Variants in WWOX observed in about 807,000 individuals in gnomAD.
WWOX encodes WW domain containing oxidoreductase, also known as WW domain-containing oxidoreductase.
A neutral mutation model predicts 46.2 loss-of-function variants in WWOX; 69 were observed. The observed-to-expected ratio is 1.49, with a 90% CI of 1.23 to 1.82. The LOEUF (loss-of-function observed/expected upper bound fraction) is 1.82. WWOX is among the 40% of genes most tolerant of loss of function. The pLI, the probability that WWOX is intolerant of heterozygous loss-of-function variation, is 0.00. For synonymous variants in WWOX, 359 were observed against 202.6 expected (o/e 1.77, Z -6.56); for missense variants, 919 against 542.6 (o/e 1.69, Z -6.89).
At chr16:78,479,717 C>T (rs892769225) in intron 8 of WWOX, among the ~76,000 whole-genome samples, 2 of 152,124 alleles carry the variant, frequency 1.3e-5, no homozygotes, top group Admixed American at 6.6e-5. Flanking sequence ...AGGGCCAGGA[C>T]ACGAAATATA....
chr16:78,776,269 C>T (rs1024773166), intron 8 of WWOX, among the ~76,000 whole-genome samples: 18 of 152,062 alleles, frequency 1.2e-4, no homozygotes, highest in Admixed American at 6.5e-4. Context: ...TGGCTTGGCT[C>T]GGTGGTTGGG....
At chr16:78,100,112 C>A in intron 1 of WWOX, 1 of 1,374,696 alleles carries the variant, frequency 7.3e-7, no homozygotes, top group Non-Finnish European at 9.4e-7. Context: ...GGCGCGCCCT[C>A]TGCTGTTCAG....
chr16:78,326,660 A>G (rs1190657542), intron 5 of WWOX, among the ~76,000 whole-genome samples: 3 of 146,470 alleles, frequency 2.0e-5, no homozygotes, highest in East Asian at 2.0e-4. Flanking sequence ...TCTGGCATAC[A>G]GCATATGTTT....
intron 5 of WWOX, among the ~76,000 whole-genome samples, chr16:78,358,237 C>T (rs1301714535): frequency 1.3e-5 from 2 of 152,156 alleles, no homozygotes; most frequent in Non-Finnish European, 2.9e-5. Context: ...AGAAAAAGTG[C>T]TGTCATCAGT....
At chr16:79,122,796 C>G (rs951669560) in intron 8 of WWOX, among the ~76,000 whole-genome samples, 1 of 152,152 alleles carries the variant, frequency 6.6e-6, no homozygotes, top group Admixed American at 6.5e-5. Context: ...ATACCTTGCC[C>G]ATTTTTGCCT....
intron 5 of WWOX, among the ~76,000 whole-genome samples, chr16:78,215,500 T>A (rs1452182677): frequency 6.6e-6 from 1 of 152,214 alleles, no homozygotes; most frequent in African/African-American, 2.4e-5. Flanking sequence ...AGAAGGTGCT[T>A]GCTTCTGCTT....
At chr16:78,803,290 T>C (rs1392418341) in intron 8 of WWOX, among the ~76,000 whole-genome samples, 1 of 152,062 alleles carries the variant, frequency 6.6e-6, no homozygotes, top group Non-Finnish European at 1.5e-5. Flanking sequence ...TGTGTGTTAT[T>C]GTAGTGGCTT....
At chr16:78,477,813 G>A (rs974155990) in intron 8 of WWOX, among the ~76,000 whole-genome samples, 10 of 152,052 alleles carry the variant, frequency 6.6e-5, no homozygotes, top group African/African-American at 2.4e-4. Flanking sequence ...CACATTAAAT[G>A]GTGGGTTTCA....
At chr16:78,588,990 T>A (rs11862167) in intron 8 of WWOX, among the ~76,000 whole-genome samples, 2 of 152,158 alleles carry the variant, frequency 1.3e-5, no homozygotes, top group Non-Finnish European at 2.9e-5. Context: ...TTGCTGGGAA[T>A]GTGGCCATCA....
At chr16:79,197,829 G>T (rs1405015400) in intron 8 of WWOX, among the ~76,000 whole-genome samples, 3 of 152,172 alleles carry the variant, frequency 2.0e-5, no homozygotes, top group Non-Finnish European at 2.9e-5. Flanking sequence ...ATGATGGGAA[G>T]TCCTTATATC....
At chr16:78,751,486 T>C (rs2049477620) in intron 8 of WWOX, among the ~76,000 whole-genome samples, 1 of 145,926 alleles carries the variant, frequency 6.9e-6, no homozygotes, top group Non-Finnish European at 1.5e-5. Context: ...TATATATATA[T>C]ATGCATATGT....
intron 8 of WWOX, chr16:78,895,759 T>A (rs1005531406): frequency 6.6e-6 from 1 of 152,238 alleles, no homozygotes; most frequent in Non-Finnish European, 1.5e-5. Flanking sequence ...AATATGGCTC[T>A]GGCAAATTCT....
intron 3 of WWOX, among the ~76,000 whole-genome samples, 191 bp from the exon 4 acceptor site, chr16:78,114,785 A>G (rs535474145): frequency 2.0e-5 from 3 of 152,140 alleles, no homozygotes; most frequent in East Asian, 1.9e-4. Context: ...TTCGATGACT[A>G]TCTTTTTTTG....
intron 8 of WWOX, chr16:79,203,238 C>G (rs116535282): frequency 1.1e-4 from 16 of 152,278 alleles, no homozygotes; most frequent in South Asian, 6.2e-4. Flanking sequence ...AAATGAGACA[C>G]TCTCCACAGT....
At chr16:78,324,293 C>T (rs937297976) in intron 5 of WWOX, among the ~76,000 whole-genome samples, 3 of 152,046 alleles carry the variant, frequency 2.0e-5, no homozygotes, top group South Asian at 2.1e-4. Context: ...CAGACAGCAG[C>T]AGGTGTTGCT....
In WWOX at chr16:78,955,487, A is replaced by C. The variant is rs539189079; in HGVS notation, c.1057-256121A>C. Among the ~76,000 whole-genome samples, 39 of 152,298 alleles carry C rather than the reference A, an allele frequency of 2.6e-4. 1 individual carries two copies. The highest frequency in any genetic ancestry group is 3.4e-3 in the Middle Eastern group (1 of 294). On this transcript the variant is annotated intron_variant, in intron 8 of 8. Transcript: ENST00000566780. ...GAGCATGTGAGGGTGGATCACAACT[A>C]GGATGGCGCGAAGTTCACCTCGTGT...
At chr16:78,778,247 G>T (rs17709285) in intron 8 of WWOX, among the ~76,000 whole-genome samples, 1 of 151,616 alleles carries the variant, frequency 6.6e-6, no homozygotes, top group African/African-American at 2.4e-5. Context: ...CCCATCCCCT[G>T]TGTCTCCTTT....
chr16:78,796,748 C>A (rs547968070), intron 8 of WWOX, among the ~76,000 whole-genome samples: 24 of 152,150 alleles, frequency 1.6e-4, no homozygotes, highest in African/African-American at 5.1e-4. Context: ...CAGTTCCCAA[C>A]GGCCATCCAG....
intron 8 of WWOX, among the ~76,000 whole-genome samples, chr16:78,997,400 C>T (rs1049537651): frequency 6.6e-5 from 10 of 152,228 alleles, no homozygotes; most frequent in Admixed American, 3.3e-4. Context: ...CACGGTGACA[C>T]GCAAAAGAAT....
Sources: gnomAD v4.1 joint callset for allele counts (sites outside exome capture counted in the v4.1 genomes callset) on GRCh38, gnomAD v4.1.1 for gene constraint, MANE v1.5 for transcripts, NCBI Gene and HGNC (gene_info 2026-07-23, HGNC 2026-07-21) for gene names.